The following OPCML variants were observed in gnomAD, a reference collection of about 807,000 sequenced individuals.
The protein encoded by OPCML is opioid binding protein/cell adhesion molecule like.
In OPCML, 13 loss-of-function variants were observed where a neutral mutation model predicts 37.8. The observed-to-expected ratio is 0.34, with a 90% CI of 0.22 to 0.55. The LOEUF is 0.55. OPCML is among the 20% of genes least tolerant of loss of function. The probability of loss-of-function intolerance (pLI) is 0.91; values close to 1 mark genes in which losing one functional copy is unlikely to be tolerated. For missense variants in OPCML, 341 were observed against 435.6 expected (o/e 0.78, Z 1.93); for synonymous variants, 176 against 168.8 (o/e 1.04, Z -0.33).
intron 1 of OPCML, among the ~76,000 whole-genome samples, chr11:133,497,781 G>A (rs1425303474): frequency 6.6e-6 from 1 of 152,192 alleles, no homozygotes; most frequent in Non-Finnish European, 1.5e-5. Context: ...GCTGCAAACT[G>A]TCTTAGAAGG....
chr11:132,673,253 T>C (rs548934651), intron 2 of OPCML, among the ~76,000 whole-genome samples: 3 of 151,948 alleles, frequency 2.0e-5, no homozygotes, highest in Admixed American at 6.5e-5. Context: ...AGATCAGAGG[T>C]GATGTTCATG....
At chr11:132,734,064 G>A (rs1267188658) in intron 2 of OPCML, among the ~76,000 whole-genome samples, 2 of 152,158 alleles carry the variant, frequency 1.3e-5, no homozygotes, top group African/African-American at 4.8e-5. Context: ...TTATCTCAGA[G>A]TGTTTTTATG....
chr11:132,446,309 G>C (rs1167680967), intron 4 of OPCML, among the ~76,000 whole-genome samples: 1 of 145,244 alleles, frequency 6.9e-6, no homozygotes, highest in Admixed American at 6.9e-5. Flanking sequence ...AAAAGGAAGA[G>C]AGGAGCTAGA....
chr11:133,154,184 A>G (rs1384879190), intron 1 of OPCML, among the ~76,000 whole-genome samples: 1 of 151,238 alleles, frequency 6.6e-6, no homozygotes, highest in Non-Finnish European at 1.5e-5. Context: ...TCCTGCTGTC[A>G]TTCCCATCCG....
chr11:133,191,643 A>G (rs913043726), intron 1 of OPCML, among the ~76,000 whole-genome samples: 1 of 151,760 alleles, frequency 6.6e-6, no homozygotes, highest in African/African-American at 2.4e-5. Context: ...ACAGGCACCC[A>G]CCACCATGTC....
At chr11:132,567,978 A>G (rs528122243) in intron 3 of OPCML, among the ~76,000 whole-genome samples, 2 of 152,286 alleles carry the variant, frequency 1.3e-5, no homozygotes, top group Non-Finnish European at 2.9e-5. Context: ...AGAGTAACTC[A>G]GCAGCTAATG....
At chr11:132,488,052 C>G (rs2096205379) in intron 4 of OPCML, among the ~76,000 whole-genome samples, 1 of 152,224 alleles carries the variant, frequency 6.6e-6, no homozygotes, top group Admixed American at 6.5e-5. Context: ...CCATGTGCCT[C>G]TTTGCATTTG....
chr11:132,745,580 A>AAAAG (rs1230655418), intron 2 of OPCML, among the ~76,000 whole-genome samples: 2,616 of 87,258 alleles, frequency 0.03, 65 homozygotes, highest in African/African-American at 0.093. Context: ...AAAAAAAAAA[A>AAAAG]AAAGAAAGAA....
At chr11:133,088,448 C>T (rs997950072) in intron 1 of OPCML, among the ~76,000 whole-genome samples, 1 of 152,220 alleles carries the variant, frequency 6.6e-6, no homozygotes, top group African/African-American at 2.4e-5. Flanking sequence ...TTCAAAACAG[C>T]AAGCTCACAC....
chr11:133,531,119 G>GT (rs1381537021), intron 1 of OPCML, among the ~76,000 whole-genome samples: 1 of 152,182 alleles, frequency 6.6e-6, no homozygotes, highest in African/African-American at 2.4e-5. Flanking sequence ...CTGTGCGACG[G>GT]TTTGGTATGA....
intron 1 of OPCML, among the ~76,000 whole-genome samples, chr11:133,215,961 G>C (rs1939568029): frequency 6.6e-6 from 1 of 152,174 alleles, no homozygotes; most frequent in Non-Finnish European, 1.5e-5. Flanking sequence ...GATTCCTTCA[G>C]GGCCTTGTAA....
chr11:133,301,122 A>T (rs1331319965), intron 1 of OPCML: 4 of 152,210 alleles, frequency 2.6e-5, no homozygotes, highest in African/African-American at 4.8e-5. Context: ...TATGCTCATC[A>T]GCCTAGCAGG....
chr11:133,530,116 C>T (rs1948574213), intron 1 of OPCML, among the ~76,000 whole-genome samples: 1 of 152,204 alleles, frequency 6.6e-6, no homozygotes, highest in African/African-American at 2.4e-5. Flanking sequence ...GATAGCTTGT[C>T]ATTGTCGTTC....
At chr11:133,086,992 AGCCT>A (rs1948827629) in intron 1 of OPCML, among the ~76,000 whole-genome samples, 1 of 152,222 alleles carries the variant, frequency 6.6e-6, no homozygotes, top group African/African-American at 2.4e-5. Context: ...TATACACTTG[AGCCT>A]GCCTGAGATG....
At chr11:132,478,183 G>C (rs537444335) in intron 4 of OPCML, among the ~76,000 whole-genome samples, 1 of 152,280 alleles carries the variant, frequency 6.6e-6, no homozygotes, top group East Asian at 1.9e-4. Context: ...TATTCAAATA[G>C]ACTTAGAATC....
rs9665994 is a variant in OPCML, at chr11:133,055,549, T to A, written c.62-112539A>T. ...GGGAGACGCCTCTACCGTATAATGCTGCCTCTATGATACTTCCAAGTAGTG... is the reference window on the plus strand; with the variant it reads ...GGGAGACGCCTCTACCGTATAATGCAGCCTCTATGATACTTCCAAGTAGTG... On this transcript the variant is annotated intron_variant, in intron 1 of 7. Transcript: ENST00000524381. Among the ~76,000 whole-genome samples, 3 of 122,138 alleles carry A rather than the reference T, an allele frequency of 2.5e-5. No homozygotes were observed. In the Admixed American group the frequency reaches 2.5e-4, roughly 10 times the overall value. 80.1% of individuals were successfully genotyped at this position (122,138 alleles called of 152,430 possible).
intron 2 of OPCML, among the ~76,000 whole-genome samples, chr11:132,712,374 C>G (rs1278379584): frequency 6.6e-6 from 1 of 151,630 alleles, no homozygotes; most frequent in Non-Finnish European, 1.5e-5. Flanking sequence ...GAATGAAGGT[C>G]GCCACTTAAT....
intron 1 of OPCML, among the ~76,000 whole-genome samples, chr11:133,427,742 G>A (rs954216014): frequency 3.9e-5 from 6 of 151,988 alleles, no homozygotes; most frequent in Admixed American, 2.0e-4. Flanking sequence ...GTAGAACACC[G>A]AAATACACCA....
intron 1 of OPCML, among the ~76,000 whole-genome samples, chr11:133,063,943 C>T (rs1460711852): frequency 1.3e-5 from 2 of 152,178 alleles, no homozygotes; most frequent in African/African-American, 2.4e-5. Context: ...TTTTGTGAAA[C>T]GGGCTAGCTG....
Sources: allele counts gnomAD v4.1 joint callset (sites outside exome capture counted in the v4.1 genomes callset), GRCh38; gene constraint gnomAD v4.1.1; transcripts MANE v1.5; gene names NCBI Gene and HGNC (gene_info 2026-07-23, HGNC 2026-07-21).